Variants in PPP2R2A observed in about 807,000 individuals in gnomAD.
The protein encoded by PPP2R2A is protein phosphatase 2 regulatory subunit Balpha.
A neutral mutation model predicts 53.2 loss-of-function variants in PPP2R2A; 9 were observed. The ratio of observed to expected loss-of-function variants is 0.17; its 90% CI spans 0.10 to 0.30. The LOEUF (loss-of-function observed/expected upper bound fraction) is 0.30, where lower values mean the gene tolerates loss of function less well. Among genes scored for constraint, PPP2R2A ranks in the 10% least tolerant of loss-of-function variants. PPP2R2A has a pLI of 1.00. For synonymous variants in PPP2R2A, 169 were observed against 174.2 expected, an observed-to-expected ratio of 0.97 and a Z score of 0.23; for missense variants, 235 against 534.6, an observed-to-expected ratio of 0.44 and a Z score of 5.53.
chr8:26,354,434 A>G lies in PPP2R2A; in HGVS notation c.181-34A>G. The G allele has an allele frequency of 6.9e-7, 1 of 1,439,380 alleles. No homozygotes were observed. Among genetic ancestry groups the G allele is most frequent in the Non-Finnish European group, 9.3e-7 (1 of 1,073,880 alleles). 89.2% of individuals were successfully genotyped at this position (1,439,380 alleles called of 1,614,324 possible). On this transcript the variant is annotated intron_variant, in intron 3 of 9. Transcript: ENST00000380737. This position sits in a 1 kb window ranked among gnomAD's most constrained non-coding sequence, Gnocchi z 4.6. ...ATTTGATTATTTTGAAATATTTTTC[A>G]ACAATGGTCCATATATTTTTGTTTT...
At chr8:26,326,653 A>G (rs1194025514) in intron 2 of PPP2R2A, among the ~76,000 whole-genome samples, 1 of 152,240 alleles carries the variant, frequency 6.6e-6, no homozygotes, top group Non-Finnish European at 1.5e-5. Flanking sequence ...TTAGGCATAC[A>G]TAGATGCAAG....
intron 9 of PPP2R2A, among the ~76,000 whole-genome samples, chr8:26,368,835 G>A (rs1306137687): frequency 1.3e-5 from 2 of 152,048 alleles, no homozygotes; most frequent in Non-Finnish European, 2.9e-5. Context: ...GGCCGGGCAC[G>A]GTGGCTCACG....
At position 26,332,906 on chromosome 8, in the gene PPP2R2A, C is replaced by T. The variant is rs114973582; in HGVS notation, c.83-5984C>T. Among the ~76,000 whole-genome samples, 425 of 152,300 alleles carry T rather than the reference C, an allele frequency of 2.8e-3. 1 individual carries two copies. Among genetic ancestry groups the T allele is most frequent in the African/African-American group, 9.8e-3 (406 of 41,560 alleles). On this transcript the variant is annotated intron_variant, in intron 2 of 9. Coordinates refer to ENST00000380737, the MANE Select transcript of PPP2R2A (RefSeq NM_002717.4). ...AGAATTCTGTGCTGCCACCTTATCCCTATAGTGCTAAATATGAGTCCTGAG... is the reference window on the plus strand; with the variant it reads ...AGAATTCTGTGCTGCCACCTTATCCTTATAGTGCTAAATATGAGTCCTGAG...
At position 26,370,270 on chromosome 8, in the gene PPP2R2A, G is replaced by A. The variant is rs376876904; in HGVS notation, c.1201G>A (p.Gly401Ser). The change falls in exon 10 of 10, where the codon GGC becomes AGC. Residue 401 changes from glycine (G) to serine (S), a missense_variant. Transcript: ENST00000380737. The surrounding 1 kb of genome is among the most constrained non-coding windows in gnomAD (Gnocchi z 6.1). Reference protein sequence around the residue: ...VLKPRKVCASGKRKKDEISVD... With the variant: ...VLKPRKVCASSKRKKDEISVD... Reference sequence around the variant, plus strand: ...GAAGCCTCGCAAAGTCTGTGCAAGTGGCAAGCGAAAGAAAGATGAAATAAG... The same window carrying A: ...GAAGCCTCGCAAAGTCTGTGCAAGTAGCAAGCGAAAGAAAGATGAAATAAG... The A allele has an allele frequency of 1.2e-6, 2 of 1,614,000 alleles. No individual in the cohort carries two copies. Among genetic ancestry groups the A allele is most frequent in the Non-Finnish European group, 1.7e-6 (2 of 1,180,022 alleles).
chr8:26,362,546 A>T lies in PPP2R2A; in HGVS notation c.638-138A>T. The T allele has an allele frequency of 1.3e-6, 1 of 777,068 alleles. No homozygotes were observed. The allele number at this position is 777,068 out of a possible 1,614,324, so 48.1% of individuals were successfully genotyped here. A position where few individuals can be genotyped will look rare whatever the true frequency, so the allele number is the denominator to read the frequency against. On this transcript the variant is annotated intron_variant, in intron 6 of 9. Coordinates refer to ENST00000380737, the MANE Select transcript of PPP2R2A (RefSeq NM_002717.4). This position sits in a 1 kb window ranked among gnomAD's most constrained non-coding sequence, Gnocchi z 4.4. The stretch of plus-strand genomic sequence containing the variant: ...AAAAGTTTTAATCCCTTTGGAATTT[A>T]TACTCATAAAAACAGTGGAGTGCAA...
chr8:26,357,282 C>CA (rs1804834660), intron 4 of PPP2R2A, among the ~76,000 whole-genome samples: 1 of 75,096 alleles, frequency 1.3e-5, no homozygotes, highest in Non-Finnish European at 2.9e-5. Context: ...AGCATAGTAA[C>CA]ACCCCCCCCC....
At chr8:26,297,623 T>G (rs1484702017) in intron 2 of PPP2R2A, among the ~76,000 whole-genome samples, 3 of 152,222 alleles carry the variant, frequency 2.0e-5, no homozygotes, top group East Asian at 3.8e-4. Flanking sequence ...TCATTTATCA[T>G]TTCTGTGGTC....
chr8:26,345,705 G>A lies in PPP2R2A; in HGVS notation c.180+6718G>A, dbSNP rs1804177773. Among the ~76,000 whole-genome samples the A allele has an allele frequency of 2.0e-5, 3 of 152,194 alleles. No homozygotes were observed. In the South Asian group the frequency reaches 6.2e-4, roughly 32 times the overall value. On this transcript the variant is annotated intron_variant, in intron 3 of 9. Coordinates refer to ENST00000380737, the MANE Select transcript of PPP2R2A (RefSeq NM_002717.4). ...GGAGGTGAGCGACTGCCCCTTTGCA[G>A]TTACTGTGTTTTTCCCTCTTTCTAA...
intron 2 of PPP2R2A, among the ~76,000 whole-genome samples, chr8:26,295,861 A>G (rs1174692089): frequency 6.6e-6 from 1 of 152,208 alleles, no homozygotes; most frequent in African/African-American, 2.4e-5. Context: ...TTATTTGACT[A>G]AGGGGAGATT....
intron 2 of PPP2R2A, among the ~76,000 whole-genome samples, chr8:26,337,015 TGACAA>T (rs772147673): frequency 6.6e-6 from 1 of 152,152 alleles, no homozygotes; most frequent in Non-Finnish European, 1.5e-5. Context: ...CTCATCAGCC[TGACAA>T]GGAGTTGTAA....
intron 2 of PPP2R2A, among the ~76,000 whole-genome samples, chr8:26,301,493 C>T (rs997185872): frequency 1.3e-5 from 2 of 151,814 alleles, no homozygotes; most frequent in Admixed American, 1.3e-4. Flanking sequence ...CCACCACGCC[C>T]GGCTAGTTTT....
At position 26,371,421 on chromosome 8, in the gene PPP2R2A, G is replaced by A. The variant is rs1412798240; in HGVS notation, c.*1008G>A. 4.0e-4 allele frequency: 59 copies of A among 146,216 alleles called. No homozygotes were observed. Among genetic ancestry groups the A allele is most frequent in the Non-Finnish European group, 4.5e-5 (3 of 66,800 alleles). 9.1% of individuals were successfully genotyped at this position (146,216 alleles called of 1,614,324 possible). A position where few individuals can be genotyped will look rare whatever the true frequency, so the allele number is the denominator to read the frequency against. On this transcript the variant is annotated 3_prime_UTR_variant, in exon 10 of 10. Transcript: ENST00000380737. Reference sequence around the variant, plus strand: ...ATTGTGTCTCTATTTAACTCATTATGTGTTAATGAAATTGTTGTAAATGGG... The same window carrying A: ...ATTGTGTCTCTATTTAACTCATTATATGTTAATGAAATTGTTGTAAATGGG...
rs1804661484 is a variant in PPP2R2A at position 26,354,218 on chromosome 8, C to T, written c.181-250C>T. Among the ~76,000 whole-genome samples the T allele has an allele frequency of 6.6e-6, 1 of 151,822 alleles. No individual in the cohort carries two copies. Among genetic ancestry groups the T allele is most frequent in the Middle Eastern group, 3.2e-3 (1 of 316 alleles). On this transcript the variant is annotated intron_variant, in intron 3 of 9. Transcript: ENST00000380737. This position sits in a 1 kb window ranked among gnomAD's most constrained non-coding sequence, Gnocchi z 4.6. ...AGAGTAAATTAGCAATCAAATTGAT[C>T]CATATTTAACGTCATTATTTCCCTA...
rs529886357 is a variant in PPP2R2A, at chr8:26,321,166, G to T, written c.83-17724G>T. On this transcript the variant is annotated intron_variant, in intron 2 of 9. Coordinates refer to ENST00000380737, the MANE Select transcript of PPP2R2A (RefSeq NM_002717.4). The surrounding 1 kb of genome is among the most constrained non-coding windows in gnomAD (Gnocchi z 4.1). ...GTGTTCATTTCTGTGGTTGTGAAGC[G>T]CTAGTAGGAGTAAGTGACAGGACCT... Among the ~76,000 whole-genome samples, 3 of 152,208 alleles carry T rather than the reference G, an allele frequency of 2.0e-5. No individual in the cohort carries two copies. The highest frequency in any genetic ancestry group is 7.2e-5 in the African/African-American group (3 of 41,454).
intron 2 of PPP2R2A, among the ~76,000 whole-genome samples, chr8:26,317,368 A>T (rs1802613050): frequency 6.6e-6 from 1 of 152,128 alleles, no homozygotes; most frequent in African/African-American, 2.4e-5. Context: ...TTGCTTGCTT[A>T]TTGTATGTAG....
chr8:26,314,791 T>G (rs1216660815), intron 2 of PPP2R2A, among the ~76,000 whole-genome samples: 11 of 151,984 alleles, frequency 7.2e-5, no homozygotes, highest in Admixed American at 7.2e-4. Context: ...GCTTGTAGAT[T>G]CATTTCCTTC....
intron 2 of PPP2R2A, among the ~76,000 whole-genome samples, chr8:26,304,160 T>C (rs571406472): frequency 2.0e-5 from 3 of 151,828 alleles, no homozygotes; most frequent in East Asian, 3.9e-4. Flanking sequence ...TAATGGTGTT[T>C]AGACTATTTA....
chr8:26,308,230 G>C (rs190105364), intron 2 of PPP2R2A, among the ~76,000 whole-genome samples: 31 of 152,336 alleles, frequency 2.0e-4, no homozygotes, highest in Admixed American at 2.0e-3. Context: ...GATGGCTGTT[G>C]ACTGATCAGT....
intron 2 of PPP2R2A, among the ~76,000 whole-genome samples, chr8:26,318,125 AAG>A (rs1427658898): frequency 2.6e-5 from 4 of 152,088 alleles, no homozygotes; most frequent in African/African-American, 7.2e-5. Flanking sequence ...CTAAAGGAGA[AAG>A]GGGGAAATGG....
Sources: allele counts gnomAD v4.1 joint callset (sites outside exome capture counted in the v4.1 genomes callset), GRCh38; gene constraint gnomAD v4.1.1; non-coding constraint Gnocchi (gnomAD v3.1); transcripts MANE v1.5; gene names NCBI Gene and HGNC (gene_info 2026-07-23, HGNC 2026-07-21).